CNTNAP2: variants seen among roughly 807,000 people sequenced by gnomAD.
CNTNAP2 encodes contactin associated protein 2.
Under a neutral mutation model 155.2 loss-of-function variants are expected in CNTNAP2, and 98 were observed. The ratio of observed to expected loss-of-function variants is 0.63; its 90% CI spans 0.54 to 0.75. The LOEUF is 0.75. CNTNAP2 is among the 30% of genes least tolerant of loss of function. The pLI, the probability that CNTNAP2 is intolerant of heterozygous loss-of-function variation, is 0.00. For synonymous variants in CNTNAP2, 651 were observed against 631.2 expected, an observed-to-expected ratio of 1.03 and a Z score of -0.47; for missense variants, 1,727 against 1,688.1, an observed-to-expected ratio of 1.02 and a Z score of -0.40.
intron 3 of CNTNAP2, among the ~76,000 whole-genome samples, chr7:147,003,264 A>G (rs916832476): frequency 4.6e-5 from 7 of 151,996 alleles, no homozygotes; most frequent in African/African-American, 1.7e-4. Context: ...TTGCAAGTAG[A>G]TTACATTATG....
intron 22 of CNTNAP2, among the ~76,000 whole-genome samples, chr7:148,384,692 G>A (rs191385486): frequency 1.3e-5 from 2 of 152,290 alleles, no homozygotes; most frequent in Admixed American, 1.3e-4. Context: ...AACATGTGAT[G>A]TTGCTGAAGC....
At chr7:147,193,838 G>A (rs918026776) in intron 8 of CNTNAP2, among the ~76,000 whole-genome samples, 1 of 152,104 alleles carries the variant, frequency 6.6e-6, no homozygotes, top group Non-Finnish European at 1.5e-5. Context: ...GGCAAGAGGA[G>A]GAGAGTAGGG....
At chr7:147,544,738 A>G (rs1295131399) in intron 11 of CNTNAP2, among the ~76,000 whole-genome samples, 1 of 152,024 alleles carries the variant, frequency 6.6e-6, no homozygotes, top group Non-Finnish European at 1.5e-5. Context: ...GGTGGGAGAC[A>G]ATTGAATCAT....
intron 1 of CNTNAP2, among the ~76,000 whole-genome samples, chr7:146,612,924 C>T (rs1436910332): frequency 9.2e-6 from 1 of 109,170 alleles, no homozygotes; most frequent in Non-Finnish European, 1.8e-5. Context: ...ATAGCTCTAA[C>T]ATCTGTCTTT....
intron 3 of CNTNAP2, among the ~76,000 whole-genome samples, chr7:147,026,437 T>G (rs776746113): frequency 2.0e-5 from 3 of 152,188 alleles, no homozygotes; most frequent in Non-Finnish European, 4.4e-5. Flanking sequence ...TGACATATGC[T>G]TTTTCCATCG....
At chr7:146,430,755 G>A (rs1025426250) in intron 1 of CNTNAP2, among the ~76,000 whole-genome samples, 39 of 151,994 alleles carry the variant, frequency 2.6e-4, no homozygotes, top group Middle Eastern at 3.4e-3. Context: ...ATAATTGCAC[G>A]TTTTGAGAGT....
intron 1 of CNTNAP2, among the ~76,000 whole-genome samples, chr7:146,351,562 G>A (rs1563050870): frequency 6.6e-6 from 1 of 152,032 alleles, no homozygotes; most frequent in Non-Finnish European, 1.5e-5. Context: ...GTCTTAGAAA[G>A]TTTACCTGTA....
intron 1 of CNTNAP2, among the ~76,000 whole-genome samples, chr7:146,521,696 T>G (rs1418153610): frequency 6.6e-6 from 1 of 152,024 alleles, no homozygotes; most frequent in Non-Finnish European, 1.5e-5. Context: ...AACAAATATT[T>G]AACCTAATCC....
chr7:146,694,217 G>C (rs1028414100), intron 1 of CNTNAP2, among the ~76,000 whole-genome samples: 1 of 152,174 alleles, frequency 6.6e-6, no homozygotes. Flanking sequence ...CTGTTGTAAA[G>C]AATAGACAAA....
intron 13 of CNTNAP2, among the ~76,000 whole-genome samples, chr7:147,765,517 GA>G (rs1454733898): frequency 2.0e-5 from 3 of 152,142 alleles, no homozygotes; most frequent in African/African-American, 7.2e-5. Context: ...GAATGTTTTT[GA>G]AAACCACAGT....
At chr7:147,273,779 ATATC>A (rs1022087976) in intron 8 of CNTNAP2, among the ~76,000 whole-genome samples, 3 of 145,122 alleles carry the variant, frequency 2.1e-5, no homozygotes, top group Admixed American at 2.1e-4. Flanking sequence ...ATATATATTT[ATATC>A]TATTTTATAT....
At chr7:148,135,095 C>G (rs1053988007) in intron 16 of CNTNAP2, among the ~76,000 whole-genome samples, 1 of 151,840 alleles carries the variant, frequency 6.6e-6, no homozygotes, top group African/African-American at 2.4e-5. Context: ...TCCAAGAGGG[C>G]ATGTGTAGTT....
At chr7:146,598,507 C>T (rs1372865850) in intron 1 of CNTNAP2, among the ~76,000 whole-genome samples, 3 of 152,040 alleles carry the variant, frequency 2.0e-5, no homozygotes, top group African/African-American at 7.2e-5. Flanking sequence ...CAAAATATGT[C>T]TTGTCAGTGT....
chr7:147,019,151 T>A (rs1000520149), intron 3 of CNTNAP2, among the ~76,000 whole-genome samples: 12 of 152,054 alleles, frequency 7.9e-5, no homozygotes, highest in African/African-American at 2.9e-4. Context: ...CAATTGGAAA[T>A]TCACATTTAA....
intron 1 of CNTNAP2, among the ~76,000 whole-genome samples, chr7:146,474,209 TA>T (rs951085797): frequency 2.0e-5 from 3 of 151,022 alleles, no homozygotes; most frequent in African/African-American, 7.3e-5. Context: ...AAAGTGCATT[TA>T]TTTTTTTTTA....
chr7:146,875,680 G>T (rs1039875246), intron 3 of CNTNAP2, among the ~76,000 whole-genome samples: 3 of 151,240 alleles, frequency 2.0e-5, no homozygotes, highest in East Asian at 2.0e-4. Flanking sequence ...TTGGCGGGGG[G>T]GCAAAGCCAG....
intron 1 of CNTNAP2, among the ~76,000 whole-genome samples, chr7:146,195,952 C>T (rs974699641): frequency 6.6e-6 from 1 of 152,150 alleles, no homozygotes; most frequent in African/African-American, 2.4e-5. Flanking sequence ...AATCTCATGC[C>T]TATTATAAAG....
intron 1 of CNTNAP2, among the ~76,000 whole-genome samples, chr7:146,190,147 C>G (rs544300494): frequency 6.6e-6 from 1 of 152,292 alleles, no homozygotes; most frequent in South Asian, 2.1e-4. Context: ...GAAAATGATG[C>G]AAACCTCATG....
intron 1 of CNTNAP2, among the ~76,000 whole-genome samples, chr7:146,481,038 G>A (rs1184959875): frequency 6.6e-6 from 1 of 151,736 alleles, no homozygotes; most frequent in Non-Finnish European, 1.5e-5. Context: ...GTAAAGACTA[G>A]ATAAGAAATT....
Sources: gnomAD v4.1 joint callset for allele counts (sites outside exome capture counted in the v4.1 genomes callset) on GRCh38, gnomAD v4.1.1 for gene constraint, MANE v1.5 for transcripts, NCBI Gene and HGNC (gene_info 2026-07-23, HGNC 2026-07-21) for gene names.